Variants in SSPN observed in about 807,000 individuals in gnomAD.
SSPN encodes K-ras oncogene-associated protein.
In SSPN, 15 loss-of-function variants were observed where a neutral mutation model predicts 19.1. That is an observed-to-expected ratio of 0.78 (90% CI 0.52 to 1.21). The LOEUF is 1.21. SSPN is among the 50% of genes most tolerant of loss of function. SSPN has a pLI of 0.00. For synonymous variants in SSPN, 147 were observed against 140.3 expected (o/e 1.05, Z -0.34); for missense variants, 291 against 314.0 (o/e 0.93, Z 0.55).
intron 1 of SSPN, 91 bp from the exon 2 acceptor site, chr12:26,224,202 G>T (rs1945152997): frequency 2.3e-6 from 2 of 868,018 alleles, no homozygotes; most frequent in East Asian, 4.9e-5. Context: ...TTTATAACAT[G>T]GATGTGACTG....
intron 1 of SSPN, among the ~76,000 whole-genome samples, chr12:26,201,090 G>A (rs2137464574): frequency 7.4e-6 from 1 of 135,220 alleles, no homozygotes; most frequent in South Asian, 2.2e-4. Context: ...TCAAGAATTT[G>A]GTGAGGCCGG....
chr12:26,222,361 C>T lies in SSPN; in HGVS notation c.280-1932C>T, dbSNP rs373998126. 2.0e-4 allele frequency among the ~76,000 whole-genome samples: 31 copies of T among 152,236 alleles called. No homozygotes were observed. The East Asian group carries it at 4.1e-3, about 20-fold the overall frequency. On this transcript the variant is annotated intron_variant, in intron 1 of 2. Coordinates refer to ENST00000242729, the MANE Select transcript of SSPN (RefSeq NM_005086.5). The stretch of plus-strand genomic sequence containing the variant: ...ATAGGCAGCTTATTGATTATGTAAC[C>T]GAAGGGAGAAGAGGATAGAAGTTTT...
At chr12:26,164,627 A>G (rs180870730) in intron 1 of SSPN, among the ~76,000 whole-genome samples, 178 of 152,270 alleles carry the variant, frequency 1.2e-3, no homozygotes, top group African/African-American at 4.0e-3. Context: ...TTTATTATTG[A>G]TTTATTTACT....
intron 1 of SSPN, among the ~76,000 whole-genome samples, chr12:26,217,949 C>T (rs945632420): frequency 3.9e-5 from 6 of 152,038 alleles, no homozygotes; most frequent in Admixed American, 2.0e-4. Flanking sequence ...CCATTTGACC[C>T]AGCCATCCCA....
intron 1 of SSPN, among the ~76,000 whole-genome samples, chr12:26,128,390 A>G (rs768229117): frequency 2.6e-5 from 4 of 152,220 alleles, no homozygotes; most frequent in South Asian, 2.1e-4. Context: ...TCTAGCTTCA[A>G]ATTTATTGAT....
chr12:26,149,955 A>C (rs1944515476), intron 1 of SSPN, among the ~76,000 whole-genome samples: 2 of 152,206 alleles, frequency 1.3e-5, no homozygotes, highest in South Asian at 4.1e-4. Context: ...TTGTACATGT[A>C]CACATATACT....
At chr12:26,132,991 C>A (rs1944404828) in intron 1 of SSPN, among the ~76,000 whole-genome samples, 1 of 152,202 alleles carries the variant, frequency 6.6e-6, no homozygotes, top group South Asian at 2.1e-4. Flanking sequence ...CAGGGTTAGA[C>A]TTAGCTAATT....
upstream of SSPN, among the ~76,000 whole-genome samples, chr12:26,190,494 T>C (rs770070676): frequency 4.6e-5 from 7 of 152,058 alleles, no homozygotes; most frequent in Non-Finnish European, 1.0e-4. Context: ...CAGCTGAGAG[T>C]CGAGAGATAA....
intron 1 of SSPN, 30 bp downstream of exon 1, chr12:26,195,981 C>G: frequency 1.4e-6 from 2 of 1,439,844 alleles, no homozygotes; most frequent in Non-Finnish European, 1.8e-6. Flanking sequence ...TGCCTAAGCG[C>G]GTTTGCCAAA....
chr12:26,123,845 A>G, intron 1 of SSPN: 1 of 845,554 alleles, frequency 1.2e-6, no homozygotes, highest in Non-Finnish European at 2.0e-6. Context: ...ACACTTTGAA[A>G]GAAGTACTGT....
intron 1 of SSPN, among the ~76,000 whole-genome samples, chr12:26,144,725 C>T (rs1944479801): frequency 6.6e-6 from 1 of 152,126 alleles, no homozygotes. Flanking sequence ...TTCTTCAAGA[C>T]AGATACTGAG....
chr12:26,178,684 A>G (rs1439683111), intron 1 of SSPN, among the ~76,000 whole-genome samples: 5 of 152,234 alleles, frequency 3.3e-5, no homozygotes, highest in African/African-American at 1.2e-4. Context: ...CACGTGCCTC[A>G]GCAGCACAGA....
intron 1 of SSPN, chr12:26,214,601 C>T (rs1270431471): frequency 5.9e-5 from 9 of 152,180 alleles, no homozygotes; most frequent in African/African-American, 1.2e-4. Flanking sequence ...CACTGTGTAA[C>T]CCTGTCTCCT....
chr12:26,176,134 G>A (rs1426668718), intron 1 of SSPN, among the ~76,000 whole-genome samples: 1 of 152,148 alleles, frequency 6.6e-6, no homozygotes, highest in African/African-American at 2.4e-5. Context: ...TCAGTGCCTG[G>A]CCTATTCTGA....
chr12:26,223,440 C>A (rs1171275690), intron 1 of SSPN, among the ~76,000 whole-genome samples: 1 of 152,222 alleles, frequency 6.6e-6, no homozygotes, highest in South Asian at 2.1e-4. Context: ...AAACTCCTGA[C>A]CTCAGGTGAT....
intron 1 of SSPN, among the ~76,000 whole-genome samples, chr12:26,177,607 GGAAGCCTTTGAGGACCA>G (rs1944692584): frequency 6.6e-6 from 1 of 152,236 alleles, no homozygotes; most frequent in East Asian, 1.9e-4. Context: ...GGAGGGCCGT[GGAAGCCTTTGAGGACCA>G]GAAGTCTTGA....
chr12:26,209,451 A>G (rs984710181), intron 1 of SSPN, among the ~76,000 whole-genome samples: 19 of 151,690 alleles, frequency 1.3e-4, no homozygotes, highest in African/African-American at 4.1e-4. Flanking sequence ...TTCTCCCTCC[A>G]TATTTCTTAT....
intron 2 of SSPN, among the ~76,000 whole-genome samples, chr12:26,230,078 T>G (rs531488205): frequency 3.2e-4 from 48 of 152,298 alleles, no homozygotes; most frequent in African/African-American, 1.1e-3. Context: ...GTTGTTGGGC[T>G]TGGGGTAAGT....
intron 1 of SSPN, among the ~76,000 whole-genome samples, chr12:26,161,107 C>CAAAAAAAA (rs35876807): frequency 1.0e-5 from 1 of 97,936 alleles, no homozygotes. Context: ...GACTCTGTCT[C>CAAAAAAAA]AAAAAAAAAA....
Sources: gnomAD v4.1 joint callset for allele counts (sites outside exome capture counted in the v4.1 genomes callset) on GRCh38, gnomAD v4.1.1 for gene constraint, MANE v1.5 for transcripts, NCBI Gene and HGNC (gene_info 2026-07-23, HGNC 2026-07-21) for gene names.